The following FUT8 variants were observed in gnomAD, a reference collection of about 807,000 sequenced individuals.
FUT8 encodes the protein alpha-(1,6)-fucosyltransferase.
A neutral mutation model predicts 71.3 loss-of-function variants in FUT8; 29 were observed. That is an observed-to-expected ratio of 0.41 (90% confidence interval 0.30 to 0.55). FUT8 has a LOEUF of 0.55. Among genes scored for constraint, FUT8 ranks in the 20% least tolerant of loss-of-function variants. FUT8 has a pLI of 0.34. For missense variants in FUT8, 544 were observed against 702.1 expected, an observed-to-expected ratio of 0.77 and a Z score of 2.55; for synonymous variants, 254 against 239.3, an observed-to-expected ratio of 1.06 and a Z score of -0.57.
Position 65,489,725 on chromosome 14 carries a change from T to C in FUT8, c.-228+34007T>C, listed in dbSNP as rs1432563356. On this transcript the variant is annotated intron_variant, in intron 2 of 10. Coordinates refer to ENST00000673929, the MANE Select transcript of FUT8 (RefSeq NM_001371533.1). This position sits in a 1 kb window ranked among gnomAD's most constrained non-coding sequence, Gnocchi z 4.0. ...CATCATTAGAAAATGTATTTGGAATTACATTAAAAAGGATTCTATGTTTTG... is the reference window on the plus strand; with the variant it reads ...CATCATTAGAAAATGTATTTGGAATCACATTAAAAAGGATTCTATGTTTTG... 6.6e-6 allele frequency among the ~76,000 whole-genome samples: 1 copy of C among 152,138 alleles called. No individual in the cohort carries two copies. Among genetic ancestry groups the C allele is most frequent in the Non-Finnish European group, 1.5e-5 (1 of 67,984 alleles).
At chr14:65,478,706 GA>G (rs1171998260) in intron 2 of FUT8, among the ~76,000 whole-genome samples, 1 of 152,126 alleles carries the variant, frequency 6.6e-6, no homozygotes, top group Non-Finnish European at 1.5e-5. Flanking sequence ...TTGCCAACTA[GA>G]AACCACCTAA....
chr14:65,415,455 C>G (rs2065205573), intron 1 of FUT8, among the ~76,000 whole-genome samples: 1 of 152,084 alleles, frequency 6.6e-6, no homozygotes, highest in Non-Finnish European at 1.5e-5. Context: ...AAAATGTACC[C>G]CCAAACTTAG....
chr14:65,474,356 A>C (rs2066197057), intron 2 of FUT8, among the ~76,000 whole-genome samples: 1 of 149,244 alleles, frequency 6.7e-6, no homozygotes, highest in Non-Finnish European at 1.5e-5. Context: ...TAATCCCAGC[A>C]CTTTGGGAGG....
intron 1 of FUT8, among the ~76,000 whole-genome samples, chr14:65,455,284 A>G (rs145932736): frequency 6.6e-6 from 1 of 152,340 alleles, no homozygotes; most frequent in East Asian, 1.9e-4. Context: ...GAAAAGAGGT[A>G]CACTTCTGAA....
intron 7 of FUT8, among the ~76,000 whole-genome samples, chr14:65,715,967 C>T (rs1393413920): frequency 7.9e-6 from 1 of 126,144 alleles, no homozygotes; most frequent in Non-Finnish European, 1.8e-5. Flanking sequence ...AGAGTGAGAC[C>T]CTCTCTCAAA....
intron 7 of FUT8, among the ~76,000 whole-genome samples, chr14:65,708,248 A>C (rs948949989): frequency 6.6e-6 from 1 of 152,216 alleles, no homozygotes; most frequent in East Asian, 1.9e-4. Context: ...TTCACTTGGC[A>C]CTTCTCCTTC....
In FUT8 at chr14:65,643,669, C is replaced by T. The variant is rs1006419911; in HGVS notation, c.597+14063C>T. Reference sequence around the variant, plus strand: ...ACTCCGTCTTTAAAAAAAAAATACACACACACACACACACACACACACACA... The same window carrying T: ...ACTCCGTCTTTAAAAAAAAAATACATACACACACACACACACACACACACA... On this transcript the variant is annotated intron_variant, in intron 6 of 10. Transcript: ENST00000673929. The surrounding 1 kb of genome is among the most constrained non-coding windows in gnomAD (Gnocchi z 4.5). Among the ~76,000 whole-genome samples, 77 of 50,956 alleles carry T rather than the reference C, an allele frequency of 1.5e-3. 1 individual carries two copies. Among genetic ancestry groups the T allele is most frequent in the South Asian group, 0.013 (27 of 2,030 alleles). The allele number at this position is 50,956 out of a possible 152,430, so 33.4% of individuals were successfully genotyped here.
chr14:65,530,503 T>C (rs184378652), intron 2 of FUT8, among the ~76,000 whole-genome samples: 122 of 152,314 alleles, frequency 8.0e-4, no homozygotes, highest in Non-Finnish European at 1.4e-3. Flanking sequence ...TAGCAAGTGA[T>C]ATGTCTCACC....
intron 3 of FUT8, among the ~76,000 whole-genome samples, chr14:65,610,967 A>AT (rs1370221395): frequency 1.6e-4 from 24 of 151,044 alleles, no homozygotes; most frequent in African/African-American, 2.4e-5. Flanking sequence ...CTGTTCTGTA[A>AT]TTTTTTTTCT....
At chr14:65,576,848 T>A (rs901907355) in intron 3 of FUT8, among the ~76,000 whole-genome samples, 3 of 151,768 alleles carry the variant, frequency 2.0e-5, no homozygotes, top group Middle Eastern at 3.4e-3. Context: ...GCCTCCTGAG[T>A]AGCTGGGATT....
chr14:65,658,751 G>T (rs961824418), intron 6 of FUT8, among the ~76,000 whole-genome samples: 1 of 152,052 alleles, frequency 6.6e-6, no homozygotes, highest in African/African-American at 2.4e-5. Context: ...CAGAGATTAA[G>T]ATTTGGGGAA....
At chr14:65,473,808 TC>T (rs976604193) in intron 2 of FUT8, among the ~76,000 whole-genome samples, 43 of 152,268 alleles carry the variant, frequency 2.8e-4, no homozygotes, top group Admixed American at 2.2e-3. Flanking sequence ...AAGTGGAAAA[TC>T]AGTATGACTA....
At chr14:65,609,234 G>C (rs1161541919) in intron 3 of FUT8, among the ~76,000 whole-genome samples, 1 of 151,202 alleles carries the variant, frequency 6.6e-6, no homozygotes, top group Non-Finnish European at 1.5e-5. Context: ...GGTGGAGGTT[G>C]CAGTGAGCCA....
intron 9 of FUT8, among the ~76,000 whole-genome samples, chr14:65,726,846 G>A (rs1895710583): frequency 6.6e-6 from 1 of 152,162 alleles, no homozygotes; most frequent in African/African-American, 2.4e-5. Flanking sequence ...TCAAAAGCAA[G>A]TTAGTTGCTT....
chr14:65,697,614 A>G (rs1894057966), intron 7 of FUT8, among the ~76,000 whole-genome samples: 1 of 152,200 alleles, frequency 6.6e-6, no homozygotes, highest in South Asian at 2.1e-4. Context: ...TTTTATTATA[A>G]TGATAGTAAT....
In FUT8 at chr14:65,548,946, C is replaced by T. The variant is rs189108399; in HGVS notation, c.-227-12391C>T. Among the ~76,000 whole-genome samples the T allele has an allele frequency of 4.2e-4, 64 of 152,208 alleles. No individual in the cohort carries two copies. The East Asian group carries it at 7.5e-3, about 18-fold the overall frequency. ...AAGATACTTTACCAGAGAAGATATA[C>T]GGATACAAAATAAGCACATGAAAAG... On this transcript the variant is annotated intron_variant, in intron 2 of 10. Transcript: ENST00000673929.
At chr14:65,649,827 G>A (rs765269775) in intron 6 of FUT8, among the ~76,000 whole-genome samples, 1 of 152,310 alleles carries the variant, frequency 6.6e-6, no homozygotes, top group Non-Finnish European at 1.5e-5. Context: ...AAATGCCTCT[G>A]AAAATACACT....
At chr14:65,606,923 G>A (rs1338324931) in intron 3 of FUT8, among the ~76,000 whole-genome samples, 3 of 150,530 alleles carry the variant, frequency 2.0e-5, no homozygotes, top group Non-Finnish European at 4.5e-5. Context: ...TTTAATGTAT[G>A]AGGTATGTTG....
chr14:65,452,840 T>C (rs934978608), intron 1 of FUT8, among the ~76,000 whole-genome samples: 3 of 152,226 alleles, frequency 2.0e-5, no homozygotes, highest in Admixed American at 2.0e-4. Flanking sequence ...CTAGTTTTTA[T>C]TTCTAGATGT....
Sources: allele counts gnomAD v4.1 joint callset (sites outside exome capture counted in the v4.1 genomes callset), GRCh38; gene constraint gnomAD v4.1.1; non-coding constraint Gnocchi (gnomAD v3.1); transcripts MANE v1.5; gene names NCBI Gene and HGNC (gene_info 2026-07-23, HGNC 2026-07-21).